The following DTNB variants were observed in gnomAD, a reference collection of about 807,000 sequenced individuals.
DTNB encodes dystrobrevin beta.
Under a neutral mutation model 90.7 loss-of-function variants are expected in DTNB, and 63 were observed. The observed-to-expected ratio is 0.69, with a 90% CI of 0.57 to 0.86. The LOEUF (loss-of-function observed/expected upper bound fraction) is 0.86, where lower values mean the gene tolerates loss of function less well. Among genes scored for constraint, DTNB ranks in the 40% least tolerant of loss-of-function variants. The pLI is 0.00. For synonymous variants in DTNB, 277 were observed against 286.7 expected (o/e 0.97, Z 0.34); for missense variants, 744 against 807.1 (o/e 0.92, Z 0.95).
chr2:25,658,558 C>A (rs2082523336), intron 1 of DTNB, among the ~76,000 whole-genome samples: 1 of 152,282 alleles, frequency 6.6e-6, no homozygotes, highest in African/African-American at 2.4e-5. Flanking sequence ...AACTGCAATA[C>A]TTCATAAATG....
chr2:25,657,170 C>T (rs928115265), intron 1 of DTNB, among the ~76,000 whole-genome samples: 3 of 151,362 alleles, frequency 2.0e-5, no homozygotes, highest in South Asian at 2.1e-4. Flanking sequence ...AGTGAGACTC[C>T]GTCTCAAAAA....
intron 9 of DTNB, among the ~76,000 whole-genome samples, chr2:25,513,755 A>G (rs2074432047): frequency 6.6e-6 from 1 of 151,422 alleles, no homozygotes; most frequent in African/African-American, 2.4e-5. Context: ...AACAACCAAA[A>G]AAAAAAAAAA....
At chr2:25,479,463 C>T (rs139871269) in intron 10 of DTNB, among the ~76,000 whole-genome samples, 6 of 152,158 alleles carry the variant, frequency 3.9e-5, no homozygotes, top group South Asian at 2.1e-4. Context: ...ACTATGTGGA[C>T]GCTTTTAAAA....
At chr2:25,641,828 T>C (rs990376180) in intron 2 of DTNB, among the ~76,000 whole-genome samples, 10 of 152,256 alleles carry the variant, frequency 6.6e-5, no homozygotes, top group Non-Finnish European at 1.2e-4. Context: ...TCAAAGTCTT[T>C]TTTGTTTGTT....
chr2:25,524,105 T>A (rs2076660571), intron 9 of DTNB, among the ~76,000 whole-genome samples: 1 of 152,050 alleles, frequency 6.6e-6, no homozygotes, highest in Non-Finnish European at 1.5e-5. Context: ...TTCTCCATGT[T>A]GGCCAGGCTG....
intron 10 of DTNB, among the ~76,000 whole-genome samples, chr2:25,458,996 G>A (rs115997490): frequency 0.018 from 2,654 of 150,382 alleles, 35 homozygotes; most frequent in Non-Finnish European, 0.028. Context: ...TGCCCAGGCT[G>A]TTCTTGAACT....
Position 25,427,180 on chromosome 2 carries a change from A to AACACACACACAC in DTNB, c.1554+343_1554+354dup, listed in dbSNP as rs3041256. Among the ~76,000 whole-genome samples, 1,287 of 139,624 alleles carry AACACACACACAC rather than the reference A, an allele frequency of 9.2e-3. 7 individuals are homozygous for AACACACACACAC. The highest frequency in any genetic ancestry group is 0.014 in the Middle Eastern group (4 of 276). 91.6% of individuals were successfully genotyped at this position (139,624 alleles called of 152,430 possible). ...GTGACACAGCGAGACTCCATCTCAA[A>AACACACACACAC]ACACACACACACACACACACACACA... On this transcript the variant is annotated intron_variant, in intron 15 of 20. Coordinates refer to ENST00000406818, the MANE Select transcript of DTNB (RefSeq NM_021907.5).
chr2:25,632,676 C>T (rs1022029492), intron 3 of DTNB, among the ~76,000 whole-genome samples: 7 of 152,174 alleles, frequency 4.6e-5, no homozygotes, highest in African/African-American at 1.7e-4. Context: ...CAGAGAGTCC[C>T]CAGCAGCAAG....
intron 2 of DTNB, 26 bp from the exon 3 acceptor site, chr2:25,639,120 C>G (rs751696351): frequency 1.3e-6 from 2 of 1,538,890 alleles, no homozygotes; most frequent in South Asian, 2.4e-5. Flanking sequence ...CAGAAATGCT[C>G]AACTAGATTT....
intron 12 of DTNB, among the ~76,000 whole-genome samples, chr2:25,444,022 G>A (rs865781851): frequency 6.6e-6 from 1 of 152,142 alleles, no homozygotes; most frequent in Non-Finnish European, 1.5e-5. Context: ...AATATTTTAA[G>A]TGTGAGGTAG....
chr2:25,483,765 C>G (rs918856480), intron 9 of DTNB, among the ~76,000 whole-genome samples: 3 of 152,190 alleles, frequency 2.0e-5, no homozygotes, highest in African/African-American at 7.2e-5. Context: ...GCATCTGGAA[C>G]CACATGACTA....
intron 1 of DTNB, among the ~76,000 whole-genome samples, chr2:25,654,241 T>C (rs1185053003): frequency 6.6e-6 from 1 of 152,234 alleles, no homozygotes; most frequent in East Asian, 1.9e-4. Flanking sequence ...TGAATTACTC[T>C]AGGTGAGCTC....
intron 16 of DTNB, 33 bp from the exon 17 acceptor site, chr2:25,388,394 C>T: frequency 1.6e-5 from 25 of 1,576,322 alleles, no homozygotes; most frequent in Non-Finnish European, 2.2e-5. Context: ...TACGTTATCT[C>T]AAGTACCTGA....
intron 10 of DTNB, among the ~76,000 whole-genome samples, chr2:25,461,157 G>C (rs947406131): frequency 1.3e-5 from 2 of 152,242 alleles, no homozygotes; most frequent in Non-Finnish European, 2.9e-5. Context: ...GCCCGCCTTG[G>C]TCTCCCAAAG....
chr2:25,652,902 C>T (rs2081249089), intron 1 of DTNB: 1 of 358,858 alleles, frequency 2.8e-6, no homozygotes. Flanking sequence ...GCTTACTGTG[C>T]TAAAAATATG....
chr2:25,435,934 T>G (rs963701282), intron 12 of DTNB, among the ~76,000 whole-genome samples: 4 of 152,256 alleles, frequency 2.6e-5, no homozygotes, highest in African/African-American at 9.6e-5. Flanking sequence ...ACTAGTATGT[T>G]GAGCGTACTT....
rs535060989 is a variant in DTNB, at chr2:25,457,409, G to A, written c.1080-1915C>T. On this transcript the variant is annotated intron_variant, in intron 10 of 20. Coordinates refer to ENST00000406818, the MANE Select transcript of DTNB (RefSeq NM_021907.5). ...TACTGGCAAAGAGTATTTAGAGACT[G>A]CAGTCAGGATGCTAGGGTGCCCACT... Among the ~76,000 whole-genome samples the A allele has an allele frequency of 2.0e-5, 3 of 152,264 alleles. No individual in the cohort carries two copies. The South Asian group carries it at 6.2e-4, about 32-fold the overall frequency.
chr2:25,407,557 G>A (rs1013771157), intron 16 of DTNB, among the ~76,000 whole-genome samples: 6 of 152,152 alleles, frequency 3.9e-5, no homozygotes, highest in Admixed American at 3.3e-4. Flanking sequence ...TAAAGAAAAC[G>A]TGGTAGTATA....
chr2:25,405,053 C>T (rs2044738724), intron 16 of DTNB, among the ~76,000 whole-genome samples: 1 of 152,020 alleles, frequency 6.6e-6, no homozygotes, highest in Non-Finnish European at 1.5e-5. Context: ...AAGTAATCCT[C>T]CCACCTCAGC....
Sources: allele counts gnomAD v4.1 joint callset (sites outside exome capture counted in the v4.1 genomes callset), GRCh38; gene constraint gnomAD v4.1.1; transcripts MANE v1.5; gene names NCBI Gene and HGNC (gene_info 2026-07-23, HGNC 2026-07-21).